Variants in CACNA1A observed in about 807,000 individuals in gnomAD.
CACNA1A encodes the protein calcium voltage-gated channel subunit alpha1 A.
A neutral mutation model predicts 262.4 loss-of-function variants in CACNA1A; 57 were observed. The ratio of observed to expected loss-of-function variants is 0.22; its 90% confidence interval spans 0.18 to 0.27. The LOEUF is 0.27. Among genes scored for constraint, CACNA1A ranks in the 10% least tolerant of loss-of-function variants. The pLI, the probability that CACNA1A is intolerant of heterozygous loss-of-function variation, is 1.00. For missense variants in CACNA1A, 2,526 were observed against 3,562.8 expected, an observed-to-expected ratio of 0.71 and a Z score of 7.41; for synonymous variants, 1,431 against 1,419.3, an observed-to-expected ratio of 1.01 and a Z score of -0.18.
intron 1 of CACNA1A, among the ~76,000 whole-genome samples, chr19:13,475,236 T>C (rs8107958): frequency 0.94 from 143,267 of 152,246 alleles, 67,523 homozygotes; most frequent in East Asian, 1. Flanking sequence ...GCCTAGTCTA[T>C]GTCCTGCTGC....
intron 3 of CACNA1A, among the ~76,000 whole-genome samples, chr19:13,429,167 TACACACACACACACACACAC>T (rs56218610): frequency 2.8e-4 from 39 of 141,248 alleles, no homozygotes; most frequent in African/African-American, 1.0e-3. Flanking sequence ...TCACTGTGCG[TACACACACACACACACACAC>T]ACACACACAC....
At chr19:13,238,303 G>C (rs2055947776) in intron 31 of CACNA1A, among the ~76,000 whole-genome samples, 1 of 152,114 alleles carries the variant, frequency 6.6e-6, no homozygotes, top group Non-Finnish European at 1.5e-5. Flanking sequence ...TGATGGGGGT[G>C]GGACACAGCC....
intron 1 of CACNA1A, among the ~76,000 whole-genome samples, chr19:13,479,924 T>C (rs939275795): frequency 1.3e-5 from 2 of 152,250 alleles, no homozygotes; most frequent in East Asian, 1.9e-4. Flanking sequence ...CAAAGTTTTA[T>C]TGGCAAATGG....
rs896790084 is a variant in CACNA1A at position 13,489,003 on chromosome 19, C to CTT, written c.293+16927_293+16928dup. Among the ~76,000 whole-genome samples the CTT allele has an allele frequency of 1.3e-3, 99 of 75,216 alleles. 6 individuals carry two copies. The highest frequency in any genetic ancestry group is 2.9e-3 in the African/African-American group (40 of 13,780). 49.3% of individuals were successfully genotyped at this position (75,216 alleles called of 152,430 possible). A position where few individuals can be genotyped will look rare whatever the true frequency, so the allele number is the denominator to read the frequency against. On this transcript the variant is annotated intron_variant, in intron 1 of 46. Coordinates refer to ENST00000360228, the MANE Select transcript of CACNA1A (RefSeq NM_001127222.2). ...TATTGTAATTAATTTCTTTTCTTTT[C>CTT]TTTTTTTTTTTTTTTTTTTTTTTTT...
intron 12 of CACNA1A, among the ~76,000 whole-genome samples, chr19:13,310,576 C>T (rs1263783687): frequency 7.5e-6 from 1 of 133,018 alleles, no homozygotes; most frequent in East Asian, 2.4e-4. Context: ...TATGGACTTA[C>T]GTTGCTAGCT....
At chr19:13,220,666 T>C (rs1208285654) in intron 38 of CACNA1A, among the ~76,000 whole-genome samples, 1 of 152,132 alleles carries the variant, frequency 6.6e-6, no homozygotes, top group East Asian at 1.9e-4. Context: ...TAGGTGTGTC[T>C]TAAGCTGCTA....
At chr19:13,301,785 C>T (rs563389520) in intron 17 of CACNA1A, among the ~76,000 whole-genome samples, 136 of 152,320 alleles carry the variant, frequency 8.9e-4, no homozygotes, top group South Asian at 1.7e-3. Context: ...ATCACTGGAA[C>T]GGGGAGCAAC....
chr19:13,346,615 AT>A (rs2058767537), intron 6 of CACNA1A, among the ~76,000 whole-genome samples: 2 of 60,332 alleles, frequency 3.3e-5, no homozygotes, highest in Non-Finnish European at 5.7e-5. Context: ...TTTTTAATTG[AT>A]TATATATATA....
chr19:13,456,245 A>C (rs1052196298), intron 1 of CACNA1A, among the ~76,000 whole-genome samples: 6 of 152,222 alleles, frequency 3.9e-5, no homozygotes, highest in Non-Finnish European at 7.3e-5. Context: ...AAGAAAAAAC[A>C]GATATGCTGG....
At chr19:13,304,406 A>G (rs777675853) in intron 15 of CACNA1A, among the ~76,000 whole-genome samples, 12 of 151,848 alleles carry the variant, frequency 7.9e-5, no homozygotes, top group Non-Finnish European at 1.3e-4. Flanking sequence ...AGGTGGGAGG[A>G]TCACTTGAGC....
In CACNA1A at chr19:13,210,647, TCTC is replaced by T. The variant is rs750511224; in HGVS notation, c.6306_6308del (p.Arg2104del). On this transcript the variant is annotated inframe_deletion and splice_region_variant, in exon 44 of 47. Transcript: ENST00000360228. ...GGTTATTCCCACGTGGCCGGCCCCTTCTCCTCTGTCACAGCCCCATGGGATGGT... is the reference window on the plus strand; with the variant it reads ...GGTTATTCCCACGTGGCCGGCCCCTTCTCTGTCACAGCCCCATGGGATGGT... 7.0e-6 allele frequency: 11 copies of T among 1,563,746 alleles called. No homozygotes were observed. The highest frequency in any genetic ancestry group is 1.2e-5 in the South Asian group (1 of 84,734).
chr19:13,284,785 TA>T (rs1243166040), intron 21 of CACNA1A, among the ~76,000 whole-genome samples: 1 of 152,238 alleles, frequency 6.6e-6, no homozygotes, highest in Non-Finnish European at 1.5e-5. Context: ...ATTTGTTGTT[TA>T]GGACAAATTT....
chr19:13,490,734 AGAAAAG>A (rs1568700861), intron 1 of CACNA1A, among the ~76,000 whole-genome samples: 18 of 126,760 alleles, frequency 1.4e-4, no homozygotes, highest in African/African-American at 4.7e-4. Context: ...AGAAAGAAAG[AGAAAAG>A]AAAGAAAGAA....
intron 3 of CACNA1A, among the ~76,000 whole-genome samples, chr19:13,432,219 A>G (rs530198479): frequency 8.1e-4 from 123 of 151,610 alleles, no homozygotes; most frequent in African/African-American, 2.9e-3. Context: ...GTTCCAGACC[A>G]GCCTAGCCAA....
chr19:13,229,106 T>C lies in CACNA1A; in HGVS notation c.5528+976A>G, dbSNP rs147026599. 203 of 186,374 alleles carry C rather than the reference T, an allele frequency of 1.1e-3. 1 individual carries two copies. In the Admixed American group the frequency reaches 0.012, roughly 11 times the overall value. 11.5% of individuals were successfully genotyped at this position (186,374 alleles called of 1,614,324 possible). A position where few individuals can be genotyped will look rare whatever the true frequency, so the allele number is the denominator to read the frequency against. On this transcript the variant is annotated intron_variant, in intron 36 of 46. Coordinates refer to ENST00000360228, the MANE Select transcript of CACNA1A (RefSeq NM_001127222.2). ...TAGAGGCCTTGGGGACAGCATCCAA[T>C]TGCTGTGACCTAAAATCAAAAGAGG...
chr19:13,207,785 G>C lies in CACNA1A; in HGVS notation c.7049C>G (p.Ala2350Gly). 1 of 1,395,212 alleles carries C rather than the reference G, an allele frequency of 7.2e-7. No individual in the cohort carries two copies. Among genetic ancestry groups the C allele is most frequent in the Non-Finnish European group, 9.2e-7 (1 of 1,082,890 alleles). 86.4% of individuals were successfully genotyped at this position (1,395,212 alleles called of 1,614,324 possible). A position where few individuals can be genotyped will look rare whatever the true frequency, so the allele number is the denominator to read the frequency against. The change falls in exon 47 of 47, where the codon GCC becomes GGC. Residue 2350 changes from alanine to glycine, a missense_variant. By Grantham distance (60) the Ala-to-Gly change is moderately conservative. This residue lies in a region of CACNA1A where 929 missense variants were observed against 868.1 expected (regional missense o/e 1.07). Transcript: ENST00000360228. This position sits in a 1 kb window ranked among gnomAD's most constrained non-coding sequence, Gnocchi z 5.7. Reference sequence around the variant, plus strand: ...GCCCCCCGTGGGCGGCCGATCTCCGGCCAGAGGCTCGGCCGTGGGGCCTGG... The same window carrying C: ...GCCCCCCGTGGGCGGCCGATCTCCGCCCAGAGGCTCGGCCGTGGGGCCTGG... ...RYPGPTAEPL[A>G]GDRPPTGGHS...
At chr19:13,331,032 A>C (rs2058458686) in intron 9 of CACNA1A, among the ~76,000 whole-genome samples, 1 of 152,130 alleles carries the variant, frequency 6.6e-6, no homozygotes, top group African/African-American at 2.4e-5. Flanking sequence ...ACAGCAGACA[A>C]GTTCAGGTGT....
intron 3 of CACNA1A, among the ~76,000 whole-genome samples, chr19:13,395,832 C>T (rs1174969417): frequency 4.6e-5 from 7 of 150,948 alleles, no homozygotes; most frequent in Non-Finnish European, 1.0e-4. Context: ...CAAGAGAGCC[C>T]CCCCTCCATT....
chr19:13,402,797 C>CACATATATATACATATAT (rs2059922423), intron 3 of CACNA1A, among the ~76,000 whole-genome samples: 2 of 122,170 alleles, frequency 1.6e-5, no homozygotes, highest in African/African-American at 7.8e-5. Context: ...TACATATATA[C>CACATATATATACATATAT]ACACATATAT....
Sources: allele counts gnomAD v4.1 joint callset (sites outside exome capture counted in the v4.1 genomes callset), GRCh38; gene constraint gnomAD v4.1.1; regional missense constraint gnomAD v4.1.1; non-coding constraint Gnocchi (gnomAD v3.1); transcripts MANE v1.5; gene names NCBI Gene and HGNC (gene_info 2026-07-23, HGNC 2026-07-21).